Variants in MCM8 observed in about 807,000 individuals in gnomAD.
MCM8 encodes the protein minichromosome maintenance 8 homologous recombination repair factor, also known as DNA helicase MCM8.
A neutral mutation model predicts 98.9 loss-of-function variants in MCM8; 85 were observed. The ratio of observed to expected loss-of-function variants is 0.86; its 90% CI spans 0.72 to 1.03. The LOEUF (loss-of-function observed/expected upper bound fraction) is 1.03, where lower values mean the gene tolerates loss of function less well. Among genes scored for constraint, MCM8 ranks in the 50% least tolerant of loss-of-function variants. The pLI, the probability that MCM8 is intolerant of heterozygous loss-of-function variation, is 0.00. For missense variants in MCM8, 951 were observed against 997.8 expected, an observed-to-expected ratio of 0.95 and a Z score of 0.63; for synonymous variants, 352 against 338.6, an observed-to-expected ratio of 1.04 and a Z score of -0.44.
At chr20:5,988,096 G>A (rs2089768830) in intron 17 of MCM8, among the ~76,000 whole-genome samples, 1 of 151,830 alleles carries the variant, frequency 6.6e-6, no homozygotes, top group Admixed American at 6.6e-5. Context: ...ATTTTGGGTA[G>A]TTTTTTTTAT....
At chr20:5,974,272 A>G (rs1206520435) in intron 12 of MCM8, among the ~76,000 whole-genome samples, 1 of 152,074 alleles carries the variant, frequency 6.6e-6, no homozygotes, top group Non-Finnish European at 1.5e-5. Context: ...CTGGGACTAT[A>G]GACATGTGCC....
chr20:5,965,564 G>A (rs568190646), intron 8 of MCM8: 62 of 152,174 alleles, frequency 4.1e-4, no homozygotes, highest in African/African-American at 1.3e-3. Context: ...ATGATCAAAT[G>A]CCAAGCAAAG....
chr20:5,990,937 C>G (rs990729073), intron 17 of MCM8: 24 of 152,200 alleles, frequency 1.6e-4, no homozygotes, highest in Non-Finnish European at 1.0e-4. Context: ...ATTTCTTTTT[C>G]CTTTTAATGA....
rs753520530 is a variant in MCM8 at position 5,993,652 on chromosome 20, A to G, written c.2387A>G (p.Gln796Arg). The change falls in exon 18 of 19, where the codon CAA (glutamine) becomes CGA (arginine). Residue 796 changes from glutamine to arginine, a missense_variant. Gln to Arg is a conservative substitution (Grantham distance 43, BLOSUM62 1). Coordinates refer to ENST00000610722, the MANE Select transcript of MCM8 (RefSeq NM_032485.6). ...GAAAGAACTTATAATAATATATTTC[A>G]ATTTCATCAACTTCGGCAGATTGCC... Reference protein sequence around the residue: ...VAERTYNNIFQFHQLRQIAKE... With the variant: ...VAERTYNNIFRFHQLRQIAKE... The G allele has an allele frequency of 3.1e-6, 5 of 1,609,446 alleles. No homozygotes were observed. The highest frequency in any genetic ancestry group is 3.4e-6 in the Non-Finnish European group (4 of 1,177,206).
chr20:5,956,288 G>A (rs1233998562), intron 5 of MCM8, among the ~76,000 whole-genome samples: 2 of 152,124 alleles, frequency 1.3e-5, no homozygotes, highest in Non-Finnish European at 2.9e-5. Context: ...ACCACTTTTC[G>A]AAACTTGCAT....
chr20:5,986,063 C>G lies in MCM8; in HGVS notation c.2095C>G (p.Gln699Glu). Reference protein sequence around the residue: ...LQDFYLELRKQSQRLNSSPIT... With the variant: ...LQDFYLELRKESQRLNSSPIT... ...AGATTTTTACCTTGAGCTCCGGAAA[C>G]AGAGCCAGAGGTTAAATAGCTCACC... The change falls in exon 16 of 19, where the codon CAG becomes GAG. Residue 699 changes from glutamine (Q) to glutamate (E), a missense_variant. Transcript: ENST00000610722. The G allele has an allele frequency of 6.2e-7, 1 of 1,614,206 alleles. No individual in the cohort carries two copies. Among genetic ancestry groups the G allele is most frequent in the Non-Finnish European group, 8.5e-7 (1 of 1,180,038 alleles).
chr20:5,988,025 G>T lies in MCM8; in HGVS notation c.2240+667G>T, dbSNP rs76906819. ...ATAATGATTCCTAGAAGGTAGAAAAGAAAAATTAGTTGAGCATATATGTTT... is the reference window on the plus strand; with the variant it reads ...ATAATGATTCCTAGAAGGTAGAAAATAAAAATTAGTTGAGCATATATGTTT... On this transcript the variant is annotated intron_variant, in intron 17 of 18. Coordinates refer to ENST00000610722, the MANE Select transcript of MCM8 (RefSeq NM_032485.6). 0.014 allele frequency among the ~76,000 whole-genome samples: 2,117 copies of T among 152,172 alleles called. 155 individuals are homozygous for T. The East Asian group carries it at 0.23, about 17-fold the overall frequency.
At chr20:5,963,217 T>G in intron 7 of MCM8, 57 bp from the exon 8 acceptor site, 8 of 1,297,878 alleles carry the variant, frequency 6.2e-6, no homozygotes, top group Non-Finnish European at 8.9e-6. Flanking sequence ...TGAATTTTCC[T>G]GAGGTGTGAT....
At chr20:5,974,664 C>A (rs1005767756) in intron 12 of MCM8, among the ~76,000 whole-genome samples, 3 of 152,192 alleles carry the variant, frequency 2.0e-5, no homozygotes, top group African/African-American at 7.2e-5. Flanking sequence ...TATATGTGTA[C>A]AACAGTCCAC....
chr20:5,986,804 C>G (rs912774661), intron 16 of MCM8, among the ~76,000 whole-genome samples: 3 of 152,100 alleles, frequency 2.0e-5, no homozygotes, highest in African/African-American at 7.2e-5. Context: ...TTGTAATTTT[C>G]ATAGTCAAGG....
intron 10 of MCM8, among the ~76,000 whole-genome samples, chr20:5,969,714 A>C (rs915524565): frequency 6.6e-6 from 1 of 152,166 alleles, no homozygotes; most frequent in Non-Finnish European, 1.5e-5. Flanking sequence ...TGAGTAAAGA[A>C]TAGTGCTCCA....
Position 5,987,200 on chromosome 20 carries a change from C to T in MCM8, c.2164-82C>T, listed in dbSNP as rs143653537. The T allele has an allele frequency of 3.7e-3, 5,032 of 1,357,968 alleles. 18 individuals carry two copies. The highest frequency in any genetic ancestry group is 4.4e-3 in the Non-Finnish European group (4,259 of 977,352). 84.1% of individuals were successfully genotyped at this position (1,357,968 alleles called of 1,614,324 possible). A position where few individuals can be genotyped will look rare whatever the true frequency, so the allele number is the denominator to read the frequency against. On this transcript the variant is annotated intron_variant, in intron 16 of 18. Transcript: ENST00000610722. ...CCTAAAGGTCAGTTTTTGTGTAAAA[C>T]AAGTAAATGAAGTAAAGCTTAGACA...
At chr20:5,975,438 G>T (rs889719708) in intron 12 of MCM8, among the ~76,000 whole-genome samples, 2 of 151,038 alleles carry the variant, frequency 1.3e-5, no homozygotes, top group Admixed American at 6.6e-5. Context: ...TGTCTTATCT[G>T]TACAAATCTC....
At chr20:5,968,849 C>T (rs912514882) in intron 10 of MCM8, among the ~76,000 whole-genome samples, 4 of 152,182 alleles carry the variant, frequency 2.6e-5, no homozygotes, top group African/African-American at 9.7e-5. Context: ...TAGGGTGTTG[C>T]TCATAGAGAT....
intron 13 of MCM8, among the ~76,000 whole-genome samples, chr20:5,981,764 A>G (rs969930623): frequency 1.8e-4 from 28 of 152,240 alleles, no homozygotes; most frequent in African/African-American, 6.0e-4. Context: ...AGACAAAATT[A>G]TAATCTAAGG....
rs189107355 is a variant in MCM8, at chr20:5,981,739, A to G, written c.1538-1231A>G. Among the ~76,000 whole-genome samples the G allele has an allele frequency of 2.3e-3, 344 of 152,340 alleles. 6 individuals are homozygous for G. Among genetic ancestry groups the G allele is most frequent in the East Asian group, 1.5e-3 (8 of 5,186 alleles). On this transcript the variant is annotated intron_variant, in intron 13 of 18. Transcript: ENST00000610722. ...AAGAAAGACATTTAATATGCCCAGT[A>G]AAAGACCTCACTGTAGACAAAATTA...
chr20:5,983,589 A>G (rs1449478563), intron 14 of MCM8, among the ~76,000 whole-genome samples: 5 of 152,140 alleles, frequency 3.3e-5, no homozygotes, highest in Admixed American at 3.3e-4. Flanking sequence ...AATCTCAGCT[A>G]CTTGGGAGGC....
In MCM8 at chr20:5,983,699, C is replaced by CA. The variant is rs112909784; in HGVS notation, c.1733+544dup. On this transcript the variant is annotated intron_variant, in intron 14 of 18. Coordinates refer to ENST00000610722, the MANE Select transcript of MCM8 (RefSeq NM_032485.6). ...TGGGTGACAGAGTGAGACGCCATGT[C>CA]AAAAAAAAAAGAAAAAGAAATTGTT... Among the ~76,000 whole-genome samples, 2,054 of 143,482 alleles carry CA rather than the reference C, an allele frequency of 0.014. 148 individuals are homozygous for CA. In the East Asian group the frequency reaches 0.23, roughly 16 times the overall value. The allele number at this position is 143,482 out of a possible 152,430, so 94.1% of individuals were successfully genotyped here. A position where few individuals can be genotyped will look rare whatever the true frequency, so the allele number is the denominator to read the frequency against.
At chr20:5,970,548 C>A (rs1399117879) in intron 10 of MCM8, among the ~76,000 whole-genome samples, 2 of 152,138 alleles carry the variant, frequency 1.3e-5, no homozygotes, top group Non-Finnish European at 2.9e-5. Context: ...GCACTTCTGG[C>A]CTGCCCATCC....
Sources: allele counts gnomAD v4.1 joint callset (sites outside exome capture counted in the v4.1 genomes callset), GRCh38; gene constraint gnomAD v4.1.1; transcripts MANE v1.5; gene names NCBI Gene and HGNC (gene_info 2026-07-23, HGNC 2026-07-21).